SDK1: variants seen among roughly 807,000 people sequenced by gnomAD.
SDK1 encodes protein sidekick-1.
In SDK1, 157 loss-of-function variants were observed where a neutral mutation model predicts 245.5. The ratio of observed to expected loss-of-function variants is 0.64; its 90% confidence interval spans 0.56 to 0.73. SDK1 has a LOEUF of 0.73. SDK1 is among the 30% of genes least tolerant of loss of function. The pLI is 0.00. For synonymous variants in SDK1, 1,647 were observed against 1,278.5 expected, an observed-to-expected ratio of 1.29 and a Z score of -6.15; for missense variants, 3,583 against 3,002.3, an observed-to-expected ratio of 1.19 and a Z score of -4.52.
rs1016635790 is a variant in SDK1, at chr7:3,303,752, C to CT, written c.298+1875dup. Reference sequence around the variant, plus strand: ...TCTGTGAAATGTGTAATATATCCATCTTTTTTTATATCGTATTGAAAATTC... The same window carrying CT: ...TCTGTGAAATGTGTAATATATCCATCTTTTTTTTATATCGTATTGAAAATTC... On this transcript the variant is annotated intron_variant, in intron 1 of 44. Transcript: ENST00000404826. Among the ~76,000 whole-genome samples the CT allele has an allele frequency of 3.3e-5, 5 of 152,080 alleles. No individual in the cohort carries two copies. In the East Asian group the frequency reaches 5.8e-4, roughly 18 times the overall value.
intron 44 of SDK1, among the ~76,000 whole-genome samples, chr7:4,263,165 C>G (rs1395432905): frequency 4.8e-5 from 1 of 21,038 alleles, no homozygotes. Flanking sequence ...CCCACCCCCT[C>G]CTTCCCCTCT....
rs557445346 is a variant in SDK1, at chr7:3,515,783, A to G, written c.299-103297A>G. Among the ~76,000 whole-genome samples the G allele has an allele frequency of 2.4e-3, 370 of 152,340 alleles. 3 individuals carry two copies. The highest frequency in any genetic ancestry group is 0.018 in the South Asian group (88 of 4,830). On this transcript the variant is annotated intron_variant, in intron 1 of 44. Coordinates refer to ENST00000404826, the MANE Select transcript of SDK1 (RefSeq NM_152744.4). ...CTGAAATTACACATGCATTATTTAA[A>G]AATCCCAGTGGTACAGTCTCAAAGA...
chr7:3,460,676 A>G (rs963162881), intron 1 of SDK1, among the ~76,000 whole-genome samples: 2 of 152,178 alleles, frequency 1.3e-5, no homozygotes, highest in African/African-American at 4.8e-5. Flanking sequence ...GGAATTAGAA[A>G]TAGTTTTGTG....
intron 40 of SDK1, among the ~76,000 whole-genome samples, chr7:4,225,617 G>A (rs141612694): frequency 6.6e-6 from 1 of 152,328 alleles, no homozygotes; most frequent in Non-Finnish European, 1.5e-5. Flanking sequence ...GGTTACTGGT[G>A]CGGCCCAGGG....
chr7:3,924,456 G>A (rs1380370930), intron 5 of SDK1, among the ~76,000 whole-genome samples: 3 of 152,200 alleles, frequency 2.0e-5, no homozygotes, highest in Non-Finnish European at 4.4e-5. Context: ...GTGACGGGGT[G>A]TGATCTCCCC....
intron 1 of SDK1, among the ~76,000 whole-genome samples, chr7:3,411,102 A>G (rs948030158): frequency 7.9e-5 from 12 of 152,320 alleles, no homozygotes; most frequent in Non-Finnish European, 1.5e-4. Context: ...ACAGAAAGGT[A>G]GGAGTGAGGC....
At chr7:4,174,994 G>A (rs1782102875) in intron 33 of SDK1, among the ~76,000 whole-genome samples, 1 of 152,232 alleles carries the variant, frequency 6.6e-6, no homozygotes, top group Non-Finnish European at 1.5e-5. Context: ...TCGTGCCGGG[G>A]ACAGAGTGAA....
intron 5 of SDK1, among the ~76,000 whole-genome samples, chr7:3,837,306 A>T (rs1012431865): frequency 3.3e-5 from 5 of 152,332 alleles, no homozygotes; most frequent in African/African-American, 1.2e-4. Context: ...TTAAAAATAC[A>T]TGAGCCAATA....
intron 1 of SDK1, among the ~76,000 whole-genome samples, chr7:3,458,677 T>A (rs574377478): frequency 2.4e-4 from 37 of 152,308 alleles, no homozygotes; most frequent in African/African-American, 8.2e-4. Context: ...TTGTTTTCTA[T>A]ATAAATGTCT....
chr7:3,674,470 C>A (rs907945683), intron 4 of SDK1, among the ~76,000 whole-genome samples: 16 of 152,080 alleles, frequency 1.1e-4, no homozygotes, highest in African/African-American at 3.4e-4. Flanking sequence ...AATACAGGGG[C>A]CTTTGCTGAG....
At chr7:3,968,333 C>T (rs1055384630) in intron 10 of SDK1, among the ~76,000 whole-genome samples, 5 of 152,212 alleles carry the variant, frequency 3.3e-5, no homozygotes, top group East Asian at 1.9e-4. Flanking sequence ...CCATCCTGAA[C>T]AAGTCTGTGC....
chr7:3,526,369 G>A (rs1783131273), intron 1 of SDK1, among the ~76,000 whole-genome samples: 1 of 152,026 alleles, frequency 6.6e-6, no homozygotes, highest in Non-Finnish European at 1.5e-5. Context: ...TTCACATATT[G>A]GAGATAATTT....
intron 2 of SDK1, among the ~76,000 whole-genome samples, chr7:3,637,665 T>C (rs576348382): frequency 7.9e-5 from 12 of 152,388 alleles, no homozygotes; most frequent in African/African-American, 2.9e-4. Flanking sequence ...ATTATTTTTT[T>C]CCTTTGAAAT....
rs1375666363 is a variant in SDK1 at position 4,268,440 on chromosome 7, C to T, written c.*3056C>T. 1.7e-5 allele frequency: 19 copies of T among 1,130,286 alleles called. No homozygotes were observed. Among genetic ancestry groups the T allele is most frequent in the South Asian group, 3.8e-5 (2 of 53,198 alleles). 70.0% of individuals were successfully genotyped at this position (1,130,286 alleles called of 1,614,324 possible). A position where few individuals can be genotyped will look rare whatever the true frequency, so the allele number is the denominator to read the frequency against. ...CCAGCCTCGCCTTCAGCCTCTCTCCCAGCCTGCTTTTATAAGGCGCACTTC... is the reference window on the plus strand; with the variant it reads ...CCAGCCTCGCCTTCAGCCTCTCTCCTAGCCTGCTTTTATAAGGCGCACTTC... On this transcript the variant is annotated 3_prime_UTR_variant, in exon 45 of 45. Coordinates refer to ENST00000404826, the MANE Select transcript of SDK1 (RefSeq NM_152744.4).
chr7:3,562,674 C>G (rs549892625), intron 1 of SDK1, among the ~76,000 whole-genome samples: 2 of 152,146 alleles, frequency 1.3e-5, no homozygotes, highest in Non-Finnish European at 2.9e-5. Flanking sequence ...CATAAACTTA[C>G]CATTTTTAAG....
intron 1 of SDK1, among the ~76,000 whole-genome samples, chr7:3,480,550 C>A (rs1026733839): frequency 1.3e-5 from 2 of 152,238 alleles, no homozygotes; most frequent in African/African-American, 4.8e-5. Flanking sequence ...TGGACACTTG[C>A]CTCCTTCCAG....
chr7:4,126,666 G>A (rs1206166909), intron 25 of SDK1, among the ~76,000 whole-genome samples: 1 of 152,238 alleles, frequency 6.6e-6, no homozygotes, highest in African/African-American at 2.4e-5. Flanking sequence ...GTTGCAGTGA[G>A]CCAAGATCGC....
chr7:3,622,459 C>T (rs941943744), intron 2 of SDK1, among the ~76,000 whole-genome samples: 3 of 152,116 alleles, frequency 2.0e-5, no homozygotes, highest in Admixed American at 1.3e-4. Flanking sequence ...CCAGCCTGGG[C>T]TACAGAGTGA....
intron 1 of SDK1, among the ~76,000 whole-genome samples, chr7:3,339,211 TAATG>T (rs1252936971): frequency 2.0e-5 from 3 of 152,000 alleles, no homozygotes; most frequent in African/African-American, 7.2e-5. Flanking sequence ...AAGGATCAAA[TAATG>T]AACACATTAG....
Sources: allele counts gnomAD v4.1 joint callset (sites outside exome capture counted in the v4.1 genomes callset), GRCh38; gene constraint gnomAD v4.1.1; transcripts MANE v1.5; gene names NCBI Gene and HGNC (gene_info 2026-07-23, HGNC 2026-07-21).